The following LDHA variants were observed in gnomAD, a reference collection of about 807,000 sequenced individuals.
LDHA encodes lactate dehydrogenase A.
In LDHA, 10 loss-of-function variants were observed where a neutral mutation model predicts 36.3. The ratio of observed to expected loss-of-function variants is 0.28; its 90% CI spans 0.17 to 0.47. The LOEUF is 0.47. LDHA is among the 20% of genes least tolerant of loss of function. The pLI, the probability that LDHA is intolerant of heterozygous loss-of-function variation, is 0.99. For missense variants in LDHA, 267 were observed against 405.8 expected (o/e 0.66, Z 2.94); for synonymous variants, 110 against 136.7 (o/e 0.80, Z 1.36).
intron 4 of LDHA, 112 bp downstream of exon 4, chr11:18,401,122 TA>T (rs1590214037): frequency 4.5e-6 from 2 of 440,936 alleles, no homozygotes; most frequent in East Asian, 1.4e-4. Flanking sequence ...AATACATTTT[TA>T]AAAATATTTT....
intron 2 of LDHA, chr11:18,399,180 G>A (rs1866394791): frequency 2.1e-6 from 1 of 468,436 alleles, no homozygotes; most frequent in Admixed American, 3.4e-5. Flanking sequence ...TTCCACATCT[G>A]CAGTGGTGGA....
rs201323060 is a variant in LDHA, at chr11:18,401,023, A to C, written c.418+13A>C. The C allele has an allele frequency of 6.2e-7, 1 of 1,603,378 alleles. No homozygotes were observed. The highest frequency in any genetic ancestry group is 1.3e-5 in the African/African-American group (1 of 74,554). On this transcript the variant is annotated intron_variant, in intron 4 of 7. Transcript: ENST00000422447. ...GTTTCAAATCCAGGTGAGGCTTTTG[A>C]CTGCATAAAAATTGACAAGCTATAG...
At chr11:18,395,757 G>T (rs754828185) in intron 1 of LDHA, among the ~76,000 whole-genome samples, 3 of 152,230 alleles carry the variant, frequency 2.0e-5, no homozygotes, top group East Asian at 1.9e-4. Flanking sequence ...TAACAAGGTG[G>T]AAAGAATTCG....
chr11:18,402,635 A>G, intron 4 of LDHA: 2 of 542,202 alleles, frequency 3.7e-6, no homozygotes, highest in Non-Finnish European at 6.6e-6. Context: ...CTTGATATAC[A>G]TAGTGTAGAG....
chr11:18,400,105 AGGTCT>A (rs1171205462), intron 3 of LDHA: 1 of 181,602 alleles, frequency 5.5e-6, no homozygotes, highest in African/African-American at 2.4e-5. Flanking sequence ...CTTAAACCTT[AGGTCT>A]GTATTTAACC....
At chr11:18,406,683 T>C (rs903537068) in intron 7 of LDHA, 2 of 163,572 alleles carry the variant, frequency 1.2e-5, no homozygotes, top group Non-Finnish European at 2.6e-5. Context: ...ACCATTGCAC[T>C]CCAGCCTGGG....
At chr11:18,400,388 A>C in intron 3 of LDHA, 1 of 290,298 alleles carries the variant, frequency 3.4e-6, no homozygotes, top group Non-Finnish European at 6.8e-6. Flanking sequence ...GTTAAGTGTA[A>C]AGCTGTCTCT....
At chr11:18,398,058 G>A (rs1198961730) in intron 2 of LDHA, among the ~76,000 whole-genome samples, 3 of 152,134 alleles carry the variant, frequency 2.0e-5, no homozygotes, top group African/African-American at 7.2e-5. Flanking sequence ...AACCGCCTAT[G>A]TTTTTTCTCT....
At chr11:18,400,395 C>G in intron 3 of LDHA, 1 of 292,998 alleles carries the variant, frequency 3.4e-6, no homozygotes, top group Non-Finnish European at 6.7e-6. Context: ...GTAAAGCTGT[C>G]TCTGCTTAAA....
At chr11:18,396,208 C>G (rs1866292418) in intron 1 of LDHA, 1 of 261,446 alleles carries the variant, frequency 3.8e-6, no homozygotes. Flanking sequence ...CTTCGCCCTG[C>G]GCGCTGTAAT....
intron 1 of LDHA, among the ~76,000 whole-genome samples, chr11:18,396,038 G>A (rs1246083021): frequency 1.3e-5 from 2 of 152,234 alleles, no homozygotes; most frequent in Non-Finnish European, 2.9e-5. Context: ...TCTGCTTCGG[G>A]GCATTCATTA....
intron 1 of LDHA, chr11:18,395,014 C>T (rs914745656): frequency 8.1e-5 from 18 of 222,164 alleles, no homozygotes; most frequent in African/African-American, 3.5e-4. Flanking sequence ...GTCCAGTTCT[C>T]GGAGCCCATA....
intron 3 of LDHA, chr11:18,400,128 GTTAC>G (rs1444248025): frequency 5.6e-6 from 1 of 177,928 alleles, no homozygotes; most frequent in African/African-American, 2.4e-5. Flanking sequence ...ACCACATTGT[GTTAC>G]TTACTTGCCC....
intron 6 of LDHA, among the ~76,000 whole-genome samples, chr11:18,404,842 A>G (rs1450002302): frequency 1.3e-5 from 2 of 151,418 alleles, no homozygotes; most frequent in African/African-American, 4.8e-5. Flanking sequence ...AGTTCATAAC[A>G]TATTCTTGTG....
chr11:18,397,133 C>CTTTTGGTGTATTAT, intron 2 of LDHA, 165 bp downstream of exon 2: 1 of 617,064 alleles, frequency 1.6e-6, no homozygotes, highest in Non-Finnish European at 2.9e-6. Context: ...TGATAATACA[C>CTTTTGGTGTATTAT]CAAAAGTGTA....
intron 3 of LDHA, 27 bp downstream of exon 3, chr11:18,399,575 A>G: frequency 6.8e-7 from 1 of 1,461,544 alleles, no homozygotes; most frequent in Non-Finnish European, 9.6e-7. Flanking sequence ...TTATATTATA[A>G]TCCATGCTTG....
intron 1 of LDHA, chr11:18,396,380 A>T (rs996440219): frequency 7.5e-6 from 3 of 400,388 alleles, no homozygotes; most frequent in Admixed American, 4.4e-5. Flanking sequence ...GGATCACCGC[A>T]GGCTCCTGTG....
intron 2 of LDHA, chr11:18,399,166 C>G (rs1380783514): frequency 2.2e-6 from 1 of 448,410 alleles, no homozygotes; most frequent in East Asian, 4.5e-5. Flanking sequence ...GTCCAGTGTT[C>G]TGCTTCCACA....
chr11:18,406,496 C>G (rs1280884904), intron 7 of LDHA, among the ~76,000 whole-genome samples: 1 of 148,450 alleles, frequency 6.7e-6, no homozygotes, highest in Non-Finnish European at 1.5e-5. Flanking sequence ...AGGGGTGGAT[C>G]ACCTGAGGTC....
Sources: gnomAD v4.1 joint callset for allele counts (sites outside exome capture counted in the v4.1 genomes callset) on GRCh38, gnomAD v4.1.1 for gene constraint, MANE v1.5 for transcripts, NCBI Gene and HGNC (gene_info 2026-07-23, HGNC 2026-07-21) for gene names.